Variants in PDZRN3 observed in about 807,000 individuals in gnomAD.
PDZRN3 encodes E3 ubiquitin-protein ligase PDZRN3.
In PDZRN3, 38 loss-of-function variants were observed where a neutral mutation model predicts 85.7. The observed-to-expected ratio is 0.44, with a 90% confidence interval of 0.34 to 0.58. The LOEUF (loss-of-function observed/expected upper bound fraction) is 0.58, where lower values mean the gene tolerates loss of function less well. Ranked by LOEUF, PDZRN3 falls within the 20% of genes least tolerant of loss-of-function variation. The pLI is 0.01. For synonymous variants in PDZRN3, 759 were observed against 638.0 expected (o/e 1.19, Z -2.86); for missense variants, 1,629 against 1,506.4 (o/e 1.08, Z -1.35).
chr3:73,506,170 T>C (rs576069630), intron 3 of PDZRN3, among the ~76,000 whole-genome samples: 253 of 152,208 alleles, frequency 1.7e-3, no homozygotes, highest in Admixed American at 2.6e-3. Context: ...ATAAGCAGAA[T>C]AACAGGGTGC....
chr3:73,508,291 G>A (rs982074896), intron 3 of PDZRN3, among the ~76,000 whole-genome samples: 6 of 152,142 alleles, frequency 3.9e-5, no homozygotes, highest in African/African-American at 1.4e-4. Context: ...TAATTTTCAA[G>A]GAAGACCTCC....
intron 3 of PDZRN3, among the ~76,000 whole-genome samples, chr3:73,496,571 TAAAAAAAAACAAAA>T (rs1703870942): frequency 6.7e-6 from 1 of 150,244 alleles, no homozygotes; most frequent in African/African-American, 2.4e-5. Context: ...AAAGAGGACT[TAAAAAAAAACAAAA>T]TTATAACTAC....
At chr3:73,393,795 G>C (rs548557050) in intron 5 of PDZRN3, among the ~76,000 whole-genome samples, 46 of 152,232 alleles carry the variant, frequency 3.0e-4, no homozygotes, top group South Asian at 4.1e-4. Flanking sequence ...GCTCTGTTAT[G>C]TAGAAAACGA....
At position 73,416,105 on chromosome 3, in the gene PDZRN3, A is replaced by T. The variant is rs573611727; in HGVS notation, c.919-11710T>A. 1.3e-3 allele frequency among the ~76,000 whole-genome samples: 196 copies of T among 151,650 alleles called. 3 individuals carry two copies. The highest frequency in any genetic ancestry group is 4.5e-3 in the African/African-American group (187 of 41,316). On this transcript the variant is annotated intron_variant, in intron 3 of 9. Coordinates refer to ENST00000263666, the MANE Select transcript of PDZRN3 (RefSeq NM_015009.3). ...TTTTCCTTCTGTTTGTACCTTAGAGACATGATCATGGGAGTTGGCTGCTGT... is the reference window on the plus strand; with the variant it reads ...TTTTCCTTCTGTTTGTACCTTAGAGTCATGATCATGGGAGTTGGCTGCTGT...
intron 3 of PDZRN3, among the ~76,000 whole-genome samples, chr3:73,471,389 C>CT (rs1211081886): frequency 6.6e-6 from 1 of 152,144 alleles, no homozygotes; most frequent in African/African-American, 2.4e-5. Context: ...ATACATTTCT[C>CT]TTTTTTTCAG....
intron 3 of PDZRN3, among the ~76,000 whole-genome samples, chr3:73,458,417 C>G (rs915470308): frequency 1.3e-5 from 2 of 151,720 alleles, no homozygotes; most frequent in African/African-American, 4.8e-5. Flanking sequence ...GTCAGGTAAA[C>G]TCCCTGTGCA....
At chr3:73,449,757 C>T (rs1256599372) in intron 3 of PDZRN3, among the ~76,000 whole-genome samples, 2 of 152,214 alleles carry the variant, frequency 1.3e-5, no homozygotes, top group African/African-American at 4.8e-5. Context: ...GCAGCCTGGA[C>T]TTTTATTCTT....
chr3:73,389,787 A>G (rs1204744924), intron 7 of PDZRN3, 29 bp downstream of exon 7: 98 of 1,537,728 alleles, frequency 6.4e-5, no homozygotes, highest in Middle Eastern at 3.4e-4. Context: ...TAGGCCCATC[A>G]TGAGGCCATT....
At chr3:73,556,462 C>G (rs1294550010) in intron 3 of PDZRN3, among the ~76,000 whole-genome samples, 1 of 152,010 alleles carries the variant, frequency 6.6e-6, no homozygotes, top group Non-Finnish European at 1.5e-5. Context: ...TTTCAGAAAG[C>G]TAAATAAAGC....
chr3:73,409,532 G>A (rs1701923238), intron 3 of PDZRN3, among the ~76,000 whole-genome samples: 1 of 152,188 alleles, frequency 6.6e-6, no homozygotes, highest in African/African-American at 2.4e-5. Flanking sequence ...ACTGAAAGAA[G>A]TTCTTGGAGG....
intron 3 of PDZRN3, among the ~76,000 whole-genome samples, chr3:73,473,992 C>T (rs1233861545): frequency 6.6e-6 from 1 of 152,234 alleles, no homozygotes; most frequent in African/African-American, 2.4e-5. Context: ...TAACAGATAA[C>T]TAATATACTT....
At chr3:73,602,197 A>C (rs1474272297) in intron 3 of PDZRN3, among the ~76,000 whole-genome samples, 157 bp downstream of exon 3, 2 of 152,236 alleles carry the variant, frequency 1.3e-5, no homozygotes, top group Non-Finnish European at 2.9e-5. Context: ...CAAGGCAATC[A>C]ACACTCAATC....
rs374220482 is a variant in PDZRN3, at chr3:73,623,904, A to G, written c.723+199T>C. 261 of 488,158 alleles carry G rather than the reference A, an allele frequency of 5.3e-4. 2 individuals carry two copies. In the South Asian group the frequency reaches 9.3e-3, roughly 17 times the overall value. 30.2% of individuals were successfully genotyped at this position (488,158 alleles called of 1,614,324 possible). On this transcript the variant is annotated intron_variant, in intron 1 of 9. Transcript: ENST00000263666. Reference sequence around the variant, plus strand: ...ATACTTTACCGGTTACGTCTAGACTATAAAGGACCACAGTGTTCCACCTCA... The same window carrying G: ...ATACTTTACCGGTTACGTCTAGACTGTAAAGGACCACAGTGTTCCACCTCA...
chr3:73,556,121 T>C (rs13082522), intron 3 of PDZRN3, among the ~76,000 whole-genome samples: 6,225 of 152,230 alleles, frequency 0.041, 175 homozygotes, highest in Middle Eastern at 0.14. Context: ...AACATAATAA[T>C]TGCCAACACA....
intron 3 of PDZRN3, among the ~76,000 whole-genome samples, chr3:73,562,793 C>A (rs971488317): frequency 6.6e-6 from 1 of 151,450 alleles, no homozygotes; most frequent in Non-Finnish European, 1.5e-5. Context: ...GGGGAAAGGG[C>A]AAGAGAATTC....
chr3:73,444,010 T>C (rs1702699170), intron 3 of PDZRN3, among the ~76,000 whole-genome samples: 1 of 152,150 alleles, frequency 6.6e-6, no homozygotes, highest in Non-Finnish European at 1.5e-5. Context: ...AACGCGCAAT[T>C]GGTACTGAAT....
At chr3:73,417,855 C>T (rs1270674999) in intron 3 of PDZRN3, among the ~76,000 whole-genome samples, 3 of 152,144 alleles carry the variant, frequency 2.0e-5, no homozygotes, top group Non-Finnish European at 4.4e-5. Context: ...AATGTGCAAT[C>T]ACTGTGAGAA....
At chr3:73,439,449 T>C (rs1702591524) in intron 3 of PDZRN3, among the ~76,000 whole-genome samples, 2 of 152,340 alleles carry the variant, frequency 1.3e-5, no homozygotes, top group South Asian at 2.1e-4. Context: ...AATCACAATC[T>C]GTTGAAGAAA....
chr3:73,385,860 T>C, intron 8 of PDZRN3, 75 bp from the exon 9 acceptor site: 1 of 872,660 alleles, frequency 1.1e-6, no homozygotes, highest in Non-Finnish European at 1.9e-6. Flanking sequence ...AAAAATGACA[T>C]TACCTTGGGG....
Sources: allele counts gnomAD v4.1 joint callset (sites outside exome capture counted in the v4.1 genomes callset), GRCh38; gene constraint gnomAD v4.1.1; transcripts MANE v1.5; gene names NCBI Gene and HGNC (gene_info 2026-07-23, HGNC 2026-07-21).